WWOX: variants seen among roughly 807,000 people sequenced by gnomAD.
The protein encoded by WWOX is WW domain containing oxidoreductase, also known as WW domain-containing oxidoreductase.
WWOX carries 69 observed loss-of-function variants against 46.2 expected under a neutral mutation model. That is an observed-to-expected ratio of 1.49 (90% confidence interval 1.23 to 1.82). The LOEUF (loss-of-function observed/expected upper bound fraction) is 1.82. Ranked by LOEUF, WWOX falls within the 40% of genes most tolerant of loss-of-function variation. WWOX has a pLI of 0.00. For missense variants in WWOX, 919 were observed against 542.6 expected (o/e 1.69, Z -6.89); for synonymous variants, 359 against 202.6 (o/e 1.77, Z -6.56).
intron 5 of WWOX, among the ~76,000 whole-genome samples, chr16:78,359,764 A>T (rs1041555541): frequency 6.6e-6 from 1 of 152,238 alleles, no homozygotes; most frequent in Non-Finnish European, 1.5e-5. Flanking sequence ...TGAGAAGCTC[A>T]TAATTCGGTG....
At chr16:78,348,651 T>C (rs1382881403) in intron 5 of WWOX, among the ~76,000 whole-genome samples, 1 of 118,962 alleles carries the variant, frequency 8.4e-6, no homozygotes, top group Non-Finnish European at 2.0e-5. Context: ...AGAGACGGGC[T>C]TTCCCCATGT....
intron 8 of WWOX, among the ~76,000 whole-genome samples, chr16:78,999,225 C>G (rs1237891712): frequency 6.6e-6 from 1 of 151,838 alleles, no homozygotes; most frequent in Non-Finnish European, 1.5e-5. Flanking sequence ...AATCCCAGCA[C>G]TTTGGGAGGC....
intron 8 of WWOX, among the ~76,000 whole-genome samples, chr16:79,075,765 A>G (rs1029453065): frequency 1.3e-5 from 2 of 152,038 alleles, no homozygotes; most frequent in South Asian, 4.1e-4. Flanking sequence ...GTGATTTTTC[A>G]AGTAAGGTAA....
At chr16:79,071,657 C>A (rs1210416318) in intron 8 of WWOX, among the ~76,000 whole-genome samples, 1 of 152,268 alleles carries the variant, frequency 6.6e-6, no homozygotes, top group African/African-American at 2.4e-5. Flanking sequence ...CTAAACCACT[C>A]TTGGGTCTTT....
intron 8 of WWOX, among the ~76,000 whole-genome samples, chr16:78,995,074 G>T (rs918483710): frequency 1.3e-5 from 2 of 149,342 alleles, no homozygotes; most frequent in South Asian, 2.1e-4. Flanking sequence ...AAGTCTGGAG[G>T]ATGCCGAGGA....
intron 8 of WWOX, among the ~76,000 whole-genome samples, chr16:78,610,988 A>G (rs1016209122): frequency 5.9e-5 from 9 of 152,174 alleles, no homozygotes; most frequent in African/African-American, 2.2e-4. Flanking sequence ...AACAACAACA[A>G]CAACAAAAAA....
At chr16:79,102,246 T>C (rs894678890) in intron 8 of WWOX, among the ~76,000 whole-genome samples, 7 of 152,186 alleles carry the variant, frequency 4.6e-5, no homozygotes, top group Non-Finnish European at 1.0e-4. Context: ...AAAAGCTTGC[T>C]GTCTGCTTAG....
At chr16:78,958,828 G>A (rs576707151) in intron 8 of WWOX, among the ~76,000 whole-genome samples, 3 of 152,198 alleles carry the variant, frequency 2.0e-5, no homozygotes, top group Non-Finnish European at 2.9e-5. Context: ...GGGAAGGAAG[G>A]TTATGTAATT....
At chr16:78,113,637 A>T (rs973610817) in intron 3 of WWOX, among the ~76,000 whole-genome samples, 2 of 151,974 alleles carry the variant, frequency 1.3e-5, no homozygotes, top group African/African-American at 4.8e-5. Context: ...CTTCAGGGGG[A>T]AAAAAGCCAC....
intron 8 of WWOX, among the ~76,000 whole-genome samples, chr16:78,547,383 T>C (rs752977706): frequency 1.3e-5 from 2 of 152,124 alleles, no homozygotes; most frequent in Non-Finnish European, 2.9e-5. Context: ...TAAGGTCACA[T>C]AGCTCACAAA....
chr16:78,649,278 A>G (rs2046912767), intron 8 of WWOX, among the ~76,000 whole-genome samples: 1 of 150,412 alleles, frequency 6.6e-6, no homozygotes, highest in Admixed American at 6.6e-5. Context: ...AGCCACCGTG[A>G]CTGACCTGTT....
At chr16:78,471,996 T>G (rs2084233766) in intron 8 of WWOX, among the ~76,000 whole-genome samples, 1 of 152,210 alleles carries the variant, frequency 6.6e-6, no homozygotes, top group Admixed American at 6.5e-5. Flanking sequence ...TTCCAATGTT[T>G]CACTTTATTC....
intron 8 of WWOX, among the ~76,000 whole-genome samples, chr16:78,613,741 C>G (rs892355370): frequency 1.3e-5 from 2 of 152,158 alleles, no homozygotes; most frequent in Admixed American, 1.3e-4. Flanking sequence ...GCCGAGAATG[C>G]TTTCCAAAAT....
chr16:78,384,701 C>T (rs749148190), intron 5 of WWOX, among the ~76,000 whole-genome samples: 1 of 152,298 alleles, frequency 6.6e-6, no homozygotes, highest in East Asian at 1.9e-4. Context: ...CCTCCTCGTT[C>T]CAAAATCTGC....
At chr16:78,247,582 C>T (rs867012083) in intron 5 of WWOX, among the ~76,000 whole-genome samples, 2 of 152,148 alleles carry the variant, frequency 1.3e-5, no homozygotes, top group African/African-American at 4.8e-5. Context: ...TCTGTTGCAT[C>T]TGCTCAAACA....
At chr16:78,456,207 C>T (rs563940119) in intron 8 of WWOX, among the ~76,000 whole-genome samples, 9 of 152,232 alleles carry the variant, frequency 5.9e-5, no homozygotes, top group African/African-American at 1.9e-4. Context: ...GTTTTTATAG[C>T]AGCAACACAG....
Position 79,009,401 on chromosome 16 carries a change from G to A in WWOX, c.1057-202207G>A, listed in dbSNP as rs532177548. Reference sequence around the variant, plus strand: ...AACTGGGGGCAAGGAACTGTGCTACGGTTGGGAAGAGAGGAGTGGGCAAAA... The same window carrying A: ...AACTGGGGGCAAGGAACTGTGCTACAGTTGGGAAGAGAGGAGTGGGCAAAA... On this transcript the variant is annotated intron_variant, in intron 8 of 8. Coordinates refer to ENST00000566780, the MANE Select transcript of WWOX (RefSeq NM_016373.4). Among the ~76,000 whole-genome samples the A allele has an allele frequency of 1.6e-3, 247 of 152,248 alleles. 1 individual carries two copies. The highest frequency in any genetic ancestry group is 5.5e-3 in the African/African-American group (230 of 41,550).
intron 8 of WWOX, among the ~76,000 whole-genome samples, chr16:79,053,482 T>G (rs944475819): frequency 2.6e-5 from 4 of 152,194 alleles, no homozygotes; most frequent in Non-Finnish European, 5.9e-5. Flanking sequence ...AGGTTTATAA[T>G]TTGCACAGTA....
intron 8 of WWOX, among the ~76,000 whole-genome samples, chr16:78,580,037 A>G (rs2045009651): frequency 1.3e-5 from 2 of 151,646 alleles, no homozygotes; most frequent in Admixed American, 6.6e-5. Flanking sequence ...GCCTATTGAA[A>G]GCAAGGGCCA....
Sources: allele counts gnomAD v4.1 joint callset (sites outside exome capture counted in the v4.1 genomes callset), GRCh38; gene constraint gnomAD v4.1.1; transcripts MANE v1.5; gene names NCBI Gene and HGNC (gene_info 2026-07-23, HGNC 2026-07-21).